Variants in RAD51C observed in about 807,000 individuals in gnomAD.
The protein encoded by RAD51C is RAD51 paralog C.
Under a neutral mutation model 45.0 loss-of-function variants are expected in RAD51C, and 42 were observed. The ratio of observed to expected loss-of-function variants is 0.93; its 90% CI spans 0.73 to 1.21. The LOEUF (loss-of-function observed/expected upper bound fraction) is 1.21. Ranked by LOEUF, RAD51C falls within the 50% of genes most tolerant of loss-of-function variation. The probability of loss-of-function intolerance (pLI) is 0.00; values close to 1 mark genes in which losing one functional copy is unlikely to be tolerated. For synonymous variants in RAD51C, 172 were observed against 159.8 expected (o/e 1.08, Z -0.58); for missense variants, 474 against 452.2 (o/e 1.05, Z -0.44).
intron 5 of RAD51C, among the ~76,000 whole-genome samples, 179 bp from the exon 6 acceptor site, chr17:58,720,567 G>T (rs888295690): frequency 6.6e-6 from 1 of 152,038 alleles, no homozygotes; most frequent in Non-Finnish European, 1.5e-5. Flanking sequence ...GCCTGCCCCA[G>T]GTTCAAATGA....
chr17:58,723,966 G>T (rs2049016561), intron 6 of RAD51C, 74 bp from the exon 7 acceptor site: 2 of 1,271,724 alleles, frequency 1.6e-6, no homozygotes, highest in South Asian at 2.4e-5. Context: ...GATTATATTT[G>T]ATCAGAGGCG....
intron 4 of RAD51C, among the ~76,000 whole-genome samples, chr17:58,704,678 G>A (rs533977970): frequency 4.3e-4 from 66 of 152,064 alleles, no homozygotes; most frequent in African/African-American, 1.6e-3. Context: ...CCCCTATTGT[G>A]ATACCCCTAT....
At chr17:58,732,154 G>C (rs1429385411) in intron 7 of RAD51C, among the ~76,000 whole-genome samples, 1 of 151,924 alleles carries the variant, frequency 6.6e-6, no homozygotes, top group African/African-American at 2.4e-5. Flanking sequence ...CTATTATTTA[G>C]TATATTATTA....
At chr17:58,709,736 A>G (rs906734443) in intron 4 of RAD51C, 123 bp from the exon 5 acceptor site, 5 of 949,364 alleles carry the variant, frequency 5.3e-6, no homozygotes, top group Non-Finnish European at 8.0e-6. Flanking sequence ...TGATATAGTA[A>G]ATAAGACAGA....
chr17:58,721,377 A>G (rs1433294107), intron 6 of RAD51C, among the ~76,000 whole-genome samples: 1 of 152,240 alleles, frequency 6.6e-6, no homozygotes. Flanking sequence ...GAATCCACTT[A>G]AATACAAATC....
intron 2 of RAD51C, among the ~76,000 whole-genome samples, chr17:58,695,563 A>T (rs1343673777): frequency 1.3e-5 from 2 of 152,074 alleles, no homozygotes; most frequent in African/African-American, 2.4e-5. Flanking sequence ...AGGCAGGAGG[A>T]TTGCTTGAGC....
intron 2 of RAD51C, among the ~76,000 whole-genome samples, chr17:58,696,243 T>A (rs187563042): frequency 2.6e-5 from 4 of 152,138 alleles, no homozygotes; most frequent in African/African-American, 9.6e-5. Context: ...CCATCCTGGC[T>A]AACACGGTGA....
chr17:58,694,207 G>A (rs2047908222), intron 1 of RAD51C: 1 of 149,886 alleles, frequency 6.7e-6, no homozygotes, highest in Non-Finnish European at 1.5e-5. Context: ...ACATGCATAT[G>A]TGCTTCTTAA....
In RAD51C at chr17:58,692,630, C is replaced by G. The variant is rs774528162; in HGVS notation, c.-14C>G. ...CGGAGTTTGGCTGCTCCGGGGTTAG[C>G]AGGTGAGCCTGCGATGCGCGGGAAG... On this transcript the variant is annotated 5_prime_UTR_variant, in exon 1 of 9. Coordinates refer to ENST00000337432, the MANE Select transcript of RAD51C (RefSeq NM_058216.3). 6.2e-7 allele frequency: 1 copy of G among 1,613,788 alleles called. No individual in the cohort carries two copies. Among genetic ancestry groups the G allele is most frequent in the East Asian group, 2.2e-5 (1 of 44,884 alleles).
intron 6 of RAD51C, among the ~76,000 whole-genome samples, chr17:58,722,444 G>A (rs1483400042): frequency 1.3e-5 from 2 of 152,124 alleles, no homozygotes; most frequent in Non-Finnish European, 2.9e-5. Flanking sequence ...ATGCAGCTGT[G>A]GAATGGAATG....
At chr17:58,716,889 C>G (rs1010715598) in intron 5 of RAD51C, among the ~76,000 whole-genome samples, 1 of 151,886 alleles carries the variant, frequency 6.6e-6, no homozygotes. Context: ...CTGCCTCTGC[C>G]TCCTGGGTTC....
intron 3 of RAD51C, among the ~76,000 whole-genome samples, chr17:58,702,042 T>G (rs2048229264): frequency 6.6e-6 from 1 of 151,346 alleles, no homozygotes; most frequent in African/African-American, 2.4e-5. Flanking sequence ...GTCACCCAGG[T>G]TGGAGTACAG....
chr17:58,695,469 A>G lies in RAD51C; in HGVS notation c.404+280A>G, dbSNP rs190919010. On this transcript the variant is annotated intron_variant, in intron 2 of 8. Coordinates refer to ENST00000337432, the MANE Select transcript of RAD51C (RefSeq NM_058216.3). ...TTCTGCGTTATTCATTCCTGAGACT[A>G]TATTTGAAAGTCAGATGTTTGAAAG... The G allele has an allele frequency of 5.0e-5, 38 of 765,748 alleles. No homozygotes were observed. The Admixed American group carries it at 9.4e-4, about 19-fold the overall frequency. 47.4% of individuals were successfully genotyped at this position (765,748 alleles called of 1,614,324 possible). A position where few individuals can be genotyped will look rare whatever the true frequency, so the allele number is the denominator to read the frequency against.
At chr17:58,695,525 C>T (rs940954654) in intron 2 of RAD51C, 1 of 299,890 alleles carries the variant, frequency 3.3e-6, no homozygotes, top group African/African-American at 2.3e-5. Context: ...GTGGCTCATG[C>T]CTATAATCCC....
chr17:58,706,681 C>A, intron 4 of RAD51C: 1 of 235,084 alleles, frequency 4.3e-6, no homozygotes, highest in Non-Finnish European at 9.8e-6. Flanking sequence ...GAATAGGGCA[C>A]ATTCACAGTC....
intron 5 of RAD51C, among the ~76,000 whole-genome samples, chr17:58,715,144 CA>C (rs11365986): frequency 0.15 from 21,743 of 144,918 alleles, 2,409 homozygotes; most frequent in East Asian, 0.31. Flanking sequence ...AAAAAAAAAA[CA>C]AAAAAAAACA....
chr17:58,698,536 C>T (rs2048100437), intron 3 of RAD51C, among the ~76,000 whole-genome samples: 1 of 150,548 alleles, frequency 6.6e-6, no homozygotes, highest in South Asian at 2.1e-4. Context: ...ACCATATAGG[C>T]AAGTCAGGTC....
chr17:58,712,592 G>A (rs1293978231), intron 5 of RAD51C, among the ~76,000 whole-genome samples: 2 of 151,856 alleles, frequency 1.3e-5, no homozygotes, highest in African/African-American at 4.8e-5. Context: ...AGGCCAAGGC[G>A]GGCAGATCAC....
intron 4 of RAD51C, among the ~76,000 whole-genome samples, chr17:58,703,933 CTTTTTTT>C (rs67254535): frequency 9.5e-4 from 63 of 66,526 alleles, no homozygotes; most frequent in Middle Eastern, 0.013. Flanking sequence ...CATGTATCAC[CTTTTTTT>C]TTTTTTTTTT....
Sources: allele counts gnomAD v4.1 joint callset (sites outside exome capture counted in the v4.1 genomes callset), GRCh38; gene constraint gnomAD v4.1.1; transcripts MANE v1.5; gene names NCBI Gene and HGNC (gene_info 2026-07-23, HGNC 2026-07-21).